PCYT2: variants seen among roughly 807,000 people sequenced by gnomAD.
PCYT2 encodes phosphate cytidylyltransferase 2, ethanolamine.
Under a neutral mutation model 50.0 loss-of-function variants are expected in PCYT2, and 33 were observed. That is an observed-to-expected ratio of 0.66 (90% CI 0.50 to 0.88). The LOEUF (loss-of-function observed/expected upper bound fraction) is 0.88. Among genes scored for constraint, PCYT2 ranks in the 40% least tolerant of loss-of-function variants. The pLI is 0.00. For synonymous variants in PCYT2, 240 were observed against 203.7 expected (o/e 1.18, Z -1.52); for missense variants, 430 against 519.7 (o/e 0.83, Z 1.68).
intron 6 of PCYT2, 143 bp from the exon 7 acceptor site, chr17:81,907,041 G>C (rs2040311993): frequency 7.1e-6 from 8 of 1,121,078 alleles, no homozygotes; most frequent in Non-Finnish European, 7.5e-6. Flanking sequence ...TGCCAGGCCA[G>C]GTGGCAGGTG....
At chr17:81,909,684 T>C in intron 1 of PCYT2, 82 bp from the exon 2 acceptor site, 1 of 1,060,272 alleles carries the variant, frequency 9.4e-7, no homozygotes, top group Non-Finnish European at 1.5e-6. Context: ...AGAGCTTTGC[T>C]CCTCTGAGGA....
intron 1 of PCYT2, 118 bp from the exon 2 acceptor site, chr17:81,909,720 T>C: frequency 1.3e-6 from 1 of 744,804 alleles, no homozygotes; most frequent in South Asian, 1.5e-5. Flanking sequence ...TCTGAGAAGC[T>C]GCTGCTGGGA....
chr17:81,905,495 G>A (rs371892775), intron 10 of PCYT2, 48 bp from the exon 11 acceptor site: 55 of 1,527,768 alleles, frequency 3.6e-5, no homozygotes, highest in Middle Eastern at 1.7e-4. Context: ...GGCAGCGGCC[G>A]TCGCCACCCA....
intron 11 of PCYT2, 53 bp from the exon 12 acceptor site, chr17:81,905,207 G>T: frequency 6.8e-7 from 1 of 1,479,468 alleles, no homozygotes. Flanking sequence ...ACCTCCCCAA[G>T]ACCCATCTGA....
At chr17:81,906,391 C>T in intron 8 of PCYT2, 73 bp downstream of exon 8, 1 of 1,473,572 alleles carries the variant, frequency 6.8e-7, no homozygotes, top group South Asian at 1.1e-5. Context: ...CCACCTGCAC[C>T]TAACAGCAAC....
At chr17:81,907,651 C>A in intron 5 of PCYT2, 53 bp from the exon 6 acceptor site, 2 of 1,604,150 alleles carry the variant, frequency 1.2e-6, no homozygotes, top group South Asian at 2.2e-5. Context: ...GGCGTGGCCA[C>A]CCCAGAACCG....
chr17:81,908,676 C>T, intron 3 of PCYT2, 42 bp from the exon 4 acceptor site: 2 of 1,546,556 alleles, frequency 1.3e-6, no homozygotes, highest in Admixed American at 1.7e-5. Context: ...TAACCCAAAG[C>T]CACCAGAACC....
In PCYT2 at chr17:81,902,037, G is replaced by A. The variant is rs1040134925; in HGVS notation, c.*2796C>T. 12 of 274,194 alleles carry A rather than the reference G, an allele frequency of 4.4e-5. No homozygotes were observed. Among genetic ancestry groups the A allele is most frequent in the Admixed American group, 3.2e-4 (6 of 18,544 alleles). 17.0% of individuals were successfully genotyped at this position (274,194 alleles called of 1,614,324 possible). On this transcript the variant is annotated 3_prime_UTR_variant, in exon 13 of 13. Transcript: ENST00000538936. Reference sequence around the variant, plus strand: ...CGGCATGGGTGGGGAGCTTGAGGGGGCGTTGGGCTCCCACCAAGCGCCAGA... The same window carrying A: ...CGGCATGGGTGGGGAGCTTGAGGGGACGTTGGGCTCCCACCAAGCGCCAGA...
intron 11 of PCYT2, 47 bp downstream of exon 11, chr17:81,905,334 AG>A (rs2040194968): frequency 6.7e-7 from 1 of 1,492,018 alleles, no homozygotes; most frequent in African/African-American, 1.4e-5. Context: ...AATGGCTGGG[AG>A]GTGCCAATGG....
intron 1 of PCYT2, 96 bp from the exon 2 acceptor site, chr17:81,909,698 C>G (rs1598330454): frequency 9.9e-6 from 9 of 907,068 alleles, no homozygotes; most frequent in Admixed American, 5.3e-5. Flanking sequence ...CTGAGGACTC[C>G]TTAGGAAGCG....
Position 81,909,009 on chromosome 17 carries a change from C to T in PCYT2, c.207G>A (p.Pro69=), listed in dbSNP as rs780781814. The T allele has an allele frequency of 1.9e-5, 30 of 1,613,876 alleles. No individual in the cohort carries two copies. Among genetic ancestry groups the T allele is most frequent in the Middle Eastern group, 1.7e-4 (1 of 6,044 alleles). ...TGTATCTCTCCTCCTGAGTGAACACCGGGGGCCCCTTGTGCTTGGCGATCT... is the reference window on the plus strand; with the variant it reads ...TGTATCTCTCCTCCTGAGTGAACACTGGGGGCCCCTTGTGCTTGGCGATCT... ...DEEIAKHKGP[P]VFTQEERYKM... Residue 69 remains proline, a synonymous_variant, in exon 3 of 13, where the codon CCG becomes CCA. Coordinates refer to ENST00000538936, the MANE Select transcript of PCYT2 (RefSeq NM_002861.5).
In PCYT2 at chr17:81,906,880, G is replaced by A. The variant is rs748796876; in HGVS notation, c.556C>T (p.Pro186Ser). ...AGGAACTGGGATACCCCGGTCCAGG[G>A]GTTCCGCCCACCAGGGCACTGCAAG... ...SFGKCPGGRN[P>S]WTGVSQFLQT... Residue 186 changes from proline (P) to serine (S), a missense_variant, in exon 7 of 13, where the codon CCC (proline) becomes TCC (serine). Physicochemically the swap from Pro to Ser is moderately conservative, Grantham distance 74. Transcript: ENST00000538936. The A allele has an allele frequency of 6.2e-7, 1 of 1,613,122 alleles. No individual in the cohort carries two copies. Among genetic ancestry groups the A allele is most frequent in the South Asian group, 1.1e-5 (1 of 91,082 alleles).
intron 9 of PCYT2, 91 bp downstream of exon 9, chr17:81,906,008 GC>G (rs1356581213): frequency 5.2e-6 from 6 of 1,163,496 alleles, no homozygotes; most frequent in East Asian, 2.5e-5. Context: ...AGTGACCCAA[GC>G]CCCCCTGCCC....
Position 81,908,610 on chromosome 17 carries a change from C to T in PCYT2, c.365G>A (p.Gly122Asp). 1 of 1,613,594 alleles carries T rather than the reference C, an allele frequency of 6.2e-7. No homozygotes were observed. Among genetic ancestry groups the T allele is most frequent in the East Asian group, 2.2e-5 (1 of 44,886 alleles). Reference sequence around the variant, plus strand: ...CTTTACTTCCTCATAGGTGTCCCGGCCATCTACAGTCAGGGTGATGTCATC... The same window carrying T: ...CTTTACTTCCTCATAGGTGTCCCGGTCATCTACAGTCAGGGTGATGTCATC... Reference protein sequence around the residue: ...HGNDITLTVDGRDTYEEVKQA... With the variant: ...HGNDITLTVDDRDTYEEVKQA... The change falls in exon 4 of 13, where the codon GGC (glycine) becomes GAC (aspartate). Residue 122 changes from glycine (G) to aspartate (D), a missense_variant. Gly to Asp is a moderately conservative substitution (Grantham distance 94). Around this residue, in one of 4 missense-constraint regions of PCYT2, gnomAD observed 117 missense variants for 163.9 expected, o/e 0.71. Transcript: ENST00000538936.
At chr17:81,907,501 G>T in intron 6 of PCYT2, 53 bp downstream of exon 6, 1 of 1,552,000 alleles carries the variant, frequency 6.4e-7, no homozygotes, top group Non-Finnish European at 8.8e-7. Flanking sequence ...ACAGGTGGCC[G>T]GGGGAGCCCC....
chr17:81,907,496 T>C (rs775662262), intron 6 of PCYT2, 58 bp downstream of exon 6: 296 of 1,536,624 alleles, frequency 1.9e-4, no homozygotes, highest in Non-Finnish European at 2.6e-4. Context: ...CTGGGACAGG[T>C]GGCCGGGGGA....
chr17:81,903,010 A>G lies in PCYT2; in HGVS notation c.*1823T>C. 2 of 491,632 alleles carry G rather than the reference A, an allele frequency of 4.1e-6. No homozygotes were observed. The highest frequency in any genetic ancestry group is 3.6e-6 in the Non-Finnish European group (1 of 281,458). The allele number at this position is 491,632 out of a possible 1,614,324, so 30.5% of individuals were successfully genotyped here. On this transcript the variant is annotated 3_prime_UTR_variant, in exon 13 of 13. Transcript: ENST00000538936. ...CAGCCGAGTGTGCGGCGGCAGGGCAAGGTTGGCCTGGGCCGCCCAGAGGTC... is the reference window on the plus strand; with the variant it reads ...CAGCCGAGTGTGCGGCGGCAGGGCAGGGTTGGCCTGGGCCGCCCAGAGGTC...
intron 4 of PCYT2, 45 bp downstream of exon 4, chr17:81,908,523 C>T (rs1278949580): frequency 6.9e-7 from 1 of 1,448,862 alleles, no homozygotes; most frequent in African/African-American, 1.4e-5. Flanking sequence ...GGAGGGAGCC[C>T]CGTGTCCAGC....
At chr17:81,908,770 G>C (rs2040420027) in intron 3 of PCYT2, 106 bp downstream of exon 3, 1 of 1,354,108 alleles carries the variant, frequency 7.4e-7, no homozygotes, top group Non-Finnish European at 1.0e-6. Context: ...AAATGTCTCA[G>C]ATCCTCAAAG....
Sources: gnomAD v4.1 joint callset for allele counts on GRCh38, gnomAD v4.1.1 for gene constraint, gnomAD v4.1.1 regional missense constraint, MANE v1.5 for transcripts, NCBI Gene and HGNC (gene_info 2026-07-23, HGNC 2026-07-21) for gene names.